The following LDB1 variants were observed in gnomAD, a reference collection of about 807,000 sequenced individuals.
LDB1 encodes the protein LIM domain-binding protein 1.
A neutral mutation model predicts 49.7 loss-of-function variants in LDB1; 6 were observed. The observed-to-expected ratio is 0.12, with a 90% CI of 0.07 to 0.24. The LOEUF (loss-of-function observed/expected upper bound fraction) is 0.24. Ranked by LOEUF, LDB1 falls within the 10% of genes least tolerant of loss-of-function variation. LDB1 has a pLI of 1.00. For synonymous variants in LDB1, 233 were observed against 202.0 expected, an observed-to-expected ratio of 1.15 and a Z score of -1.30; for missense variants, 341 against 561.7, an observed-to-expected ratio of 0.61 and a Z score of 3.97.
Position 102,109,090 on chromosome 10 carries a change from T to C in LDB1, c.944A>G (p.Asn315Ser), listed in dbSNP as rs763679443. ...STMSSGGGNT[N>S]NSNSKKKSPA... The stretch of plus-strand genomic sequence containing the variant: ...GCTCTTCTTCTTGCTGTTGCTGTTG[T>C]TGGTGTTGCCACCACCAGAGCTCAT... Residue 315 changes from asparagine to serine, a missense_variant, in exon 10 of 11, where the codon AAC (asparagine) becomes AGC (serine). Transcript: ENST00000673968. This position sits in a 1 kb window ranked among gnomAD's most constrained non-coding sequence, Gnocchi z 5.8. 34 of 1,614,038 alleles carry C rather than the reference T, an allele frequency of 2.1e-5. No homozygotes were observed. Among genetic ancestry groups the C allele is most frequent in the East Asian group, 6.7e-5 (3 of 44,898 alleles).
Position 102,108,972 on chromosome 10 carries a change from G to C in LDB1, c.1005+57C>G, listed in dbSNP as rs756662051. The stretch of plus-strand genomic sequence containing the variant: ...TGCTAGTGAGCTCAGGCTTGGAAAG[G>C]GGTCAGGGGTGAGTGGTGGGGCAGC... On this transcript the variant is annotated intron_variant, in intron 10 of 10. Transcript: ENST00000673968. 1.4e-5 allele frequency: 22 copies of C among 1,610,290 alleles called. No individual in the cohort carries two copies. In the South Asian group the frequency reaches 2.3e-4, roughly 17 times the overall value.
downstream of LDB1, among the ~76,000 whole-genome samples, chr10:102,103,400 G>A (rs887384380): frequency 2.0e-5 from 3 of 151,890 alleles, no homozygotes; most frequent in Admixed American, 6.6e-5. Context: ...GAGTGCAGTG[G>A]TGCAATCACA....
chr10:102,104,451 A>G (rs770808898), downstream of LDB1, among the ~76,000 whole-genome samples: 1 of 152,106 alleles, frequency 6.6e-6, no homozygotes, highest in Non-Finnish European at 1.5e-5. Flanking sequence ...GCAATGTGCT[A>G]AGGCTTGGGA....
At position 102,107,653 on chromosome 10, in the gene LDB1, C is replaced by A; in HGVS notation, c.*440G>T. 1 of 166,446 alleles carries A rather than the reference C, an allele frequency of 6.0e-6. No homozygotes were observed. The highest frequency in any genetic ancestry group is 1.3e-5 in the Non-Finnish European group (1 of 75,896). 10.3% of individuals were successfully genotyped at this position (166,446 alleles called of 1,614,324 possible). On this transcript the variant is annotated 3_prime_UTR_variant, in exon 11 of 11. Transcript: ENST00000673968. ...CAGGGAGGAGGGGCCCAGAGCTTTA[C>A]CCCTCTATTACCAGCTGCCTAGGGG... is the stretch of plus-strand genomic sequence containing the variant.
At chr10:102,120,763 T>C (rs2068410213), upstream of LDB1, among the ~76,000 whole-genome samples, 1 of 151,848 alleles carries the variant, frequency 6.6e-6, no homozygotes, top group African/African-American at 2.4e-5. Context: ...GTCCTCCGGG[T>C]GCCGCCGGAT....
rs1285395218 is a variant in LDB1 at position 102,114,812 on chromosome 10, G to A, written c.26-3276C>T. On this transcript the variant is annotated intron_variant, in intron 1 of 10. Coordinates refer to ENST00000673968, the MANE Select transcript of LDB1 (RefSeq NM_001113407.3). ...CTCTTGCTGCCTCTGCCTCCGAGCA[G>A]CCCGCCCGCCCTCCCCAGGCCACCG... The A allele has an allele frequency of 5.4e-6, 5 of 929,862 alleles. No individual in the cohort carries two copies. The African/African-American group carries it at 8.9e-5, about 17-fold the overall frequency. The allele number at this position is 929,862 out of a possible 1,614,324, so 57.6% of individuals were successfully genotyped here. A position where few individuals can be genotyped will look rare whatever the true frequency, so the allele number is the denominator to read the frequency against.
chr10:102,110,838 C>T, intron 5 of LDB1, 31 bp downstream of exon 5: 1 of 1,592,736 alleles, frequency 6.3e-7, no homozygotes, highest in Non-Finnish European at 8.6e-7. Context: ...GAGGTATACA[C>T]CCTCATAGCA....
At chr10:102,104,884 TC>T (rs1226287743), downstream of LDB1, among the ~76,000 whole-genome samples, 1 of 152,116 alleles carries the variant, frequency 6.6e-6, no homozygotes, top group African/African-American at 2.4e-5. Context: ...TCACTCACAC[TC>T]AGCAGTCACA....
chr10:102,109,739 C>T lies in LDB1; in HGVS notation c.649-56G>A. 1.3e-6 allele frequency: 2 copies of T among 1,569,304 alleles called. No individual in the cohort carries two copies. Among genetic ancestry groups the T allele is most frequent in the South Asian group, 1.1e-5 (1 of 89,798 alleles). On this transcript the variant is annotated intron_variant, in intron 7 of 10. Coordinates refer to ENST00000673968, the MANE Select transcript of LDB1 (RefSeq NM_001113407.3). This position sits in a 1 kb window ranked among gnomAD's most constrained non-coding sequence, Gnocchi z 5.8. ...CTGACACCTGGGTTGCCTCTGCTCA[C>T]CTGCCCTATCATCTGAGCATTGTGA...
At chr10:102,114,812 G>GGGGCCCCCCCCCCCC in intron 1 of LDB1, 50 of 929,786 alleles carry the variant, frequency 5.4e-5, no homozygotes, top group Non-Finnish European at 5.9e-5. Flanking sequence ...CCTCCGAGCA[G>GGGGCCCCCCCCCCCC]CCCGCCCGCC....
chr10:102,115,910 T>C (rs2068330437), intron 1 of LDB1, among the ~76,000 whole-genome samples: 1 of 151,634 alleles, frequency 6.6e-6, no homozygotes, highest in African/African-American at 2.4e-5. Context: ...GGAAAATACA[T>C]AGTACACACA....
chr10:102,105,749 G>A (rs1181701910), downstream of LDB1, among the ~76,000 whole-genome samples: 1 of 150,524 alleles, frequency 6.6e-6, no homozygotes, highest in Non-Finnish European at 1.5e-5. Flanking sequence ...ATCACCTGAG[G>A]TCAAGAGTTT....
In LDB1 at chr10:102,110,046, G is replaced by A; in HGVS notation, c.526-3C>T. Reference sequence around the variant, plus strand: ...TACAACCGGCCCTCCACACACACCTGGGGACAGGCTTGTCAGAACCCTGCC... The same window carrying A: ...TACAACCGGCCCTCCACACACACCTAGGGACAGGCTTGTCAGAACCCTGCC... On this transcript the variant is annotated splice_region_variant and splice_polypyrimidine_tract_variant and intron_variant, in intron 6 of 10. Transcript: ENST00000673968. 6.2e-7 allele frequency: 1 copy of A among 1,611,826 alleles called. No individual in the cohort carries two copies. The highest frequency in any genetic ancestry group is 8.5e-7 in the Non-Finnish European group (1 of 1,178,714).
upstream of LDB1, among the ~76,000 whole-genome samples, chr10:102,121,254 C>A (rs902618482): frequency 1.3e-5 from 2 of 152,098 alleles, no homozygotes; most frequent in Non-Finnish European, 2.9e-5. Context: ...TCCCTTCCCC[C>A]CTTTCTCCAG....
chr10:102,118,134 G>C (rs1429993876), intron 1 of LDB1, among the ~76,000 whole-genome samples: 1 of 152,112 alleles, frequency 6.6e-6, no homozygotes, highest in African/African-American at 2.4e-5. Flanking sequence ...TGCCTTCCTT[G>C]TGTTCAAGCA....
rs1156941672 is a variant in LDB1 at position 102,110,047 on chromosome 10, G to A, written c.526-4C>T. The A allele has an allele frequency of 6.2e-7, 1 of 1,611,484 alleles. No individual in the cohort carries two copies. Among genetic ancestry groups the A allele is most frequent in the African/African-American group, 1.3e-5 (1 of 74,698 alleles). Reference sequence around the variant, plus strand: ...ACAACCGGCCCTCCACACACACCTGGGGACAGGCTTGTCAGAACCCTGCCC... The same window carrying A: ...ACAACCGGCCCTCCACACACACCTGAGGACAGGCTTGTCAGAACCCTGCCC... On this transcript the variant is annotated splice_region_variant and splice_polypyrimidine_tract_variant and intron_variant, in intron 6 of 10. Transcript: ENST00000673968.
At chr10:102,114,423 G>A in intron 1 of LDB1, 2 of 986,422 alleles carry the variant, frequency 2.0e-6, no homozygotes, top group Non-Finnish European at 2.4e-6. Context: ...AACTGAGGGG[G>A]CCAGGAGAGG....
At chr10:102,108,503 A>G (rs1451475735) in intron 10 of LDB1, among the ~76,000 whole-genome samples, 180 bp from the exon 11 acceptor site, 2 of 151,958 alleles carry the variant, frequency 1.3e-5, no homozygotes, top group Non-Finnish European at 2.9e-5. Flanking sequence ...CTTCCTACTG[A>G]AGAACACCAG....
chr10:102,109,862 GT>G lies in LDB1; in HGVS notation c.648+58del. On this transcript the variant is annotated intron_variant, in intron 7 of 10. Coordinates refer to ENST00000673968, the MANE Select transcript of LDB1 (RefSeq NM_001113407.3). The surrounding 1 kb of genome is among the most constrained non-coding windows in gnomAD (Gnocchi z 5.8). ...AGTCAGTCGGGAAATGGCAGACCTTGTTCCACCCTTCCCCCGCCTGCCTTCA... is the reference window on the plus strand; with the variant it reads ...AGTCAGTCGGGAAATGGCAGACCTTGTCCACCCTTCCCCCGCCTGCCTTCA... 6.3e-7 allele frequency: 1 copy of G among 1,589,034 alleles called. No individual in the cohort carries two copies. Among genetic ancestry groups the G allele is most frequent in the South Asian group, 1.1e-5 (1 of 88,936 alleles).
Sources: gnomAD v4.1 joint callset for allele counts (sites outside exome capture counted in the v4.1 genomes callset) on GRCh38, gnomAD v4.1.1 for gene constraint, Gnocchi (gnomAD v3.1) non-coding constraint, MANE v1.5 for transcripts, NCBI Gene and HGNC (gene_info 2026-07-23, HGNC 2026-07-21) for gene names.